The following ZDHHC14 variants were observed in gnomAD, a reference collection of about 807,000 sequenced individuals.
The protein encoded by ZDHHC14 is zDHHC palmitoyltransferase 14.
In ZDHHC14, 16 loss-of-function variants were observed where a neutral mutation model predicts 47.7. That is an observed-to-expected ratio of 0.34 (90% CI 0.23 to 0.51). The LOEUF (loss-of-function observed/expected upper bound fraction) is 0.51. Among genes scored for constraint, ZDHHC14 ranks in the 20% least tolerant of loss-of-function variants. The pLI is 0.97. For missense variants in ZDHHC14, 515 were observed against 662.5 expected (o/e 0.78, Z 2.44); for synonymous variants, 293 against 278.9 (o/e 1.05, Z -0.50).
At chr6:157,435,302 A>G (rs1306414060) in intron 1 of ZDHHC14, among the ~76,000 whole-genome samples, 1 of 152,226 alleles carries the variant, frequency 6.6e-6, no homozygotes, top group Non-Finnish European at 1.5e-5. Context: ...ATCCGAGAAG[A>G]GGGCAAGAGC....
chr6:157,633,582 A>G (rs1776819374), intron 5 of ZDHHC14, among the ~76,000 whole-genome samples: 1 of 152,294 alleles, frequency 6.6e-6, no homozygotes, highest in South Asian at 2.1e-4. Flanking sequence ...TCAGTGACCC[A>G]GTTCTCTTTC....
intron 3 of ZDHHC14, among the ~76,000 whole-genome samples, chr6:157,597,931 C>CAAAT: frequency 6.6e-6 from 1 of 152,320 alleles, no homozygotes; most frequent in African/African-American, 2.4e-5. Context: ...CAGGGCTTTC[C>CAAAT]CCTGCCTCTT....
chr6:157,521,253 C>T (rs138569732), intron 1 of ZDHHC14, among the ~76,000 whole-genome samples: 109 of 152,286 alleles, frequency 7.2e-4, no homozygotes, highest in Non-Finnish European at 9.4e-4. Flanking sequence ...ATTACAGCTC[C>T]GTTTGGAGTC....
chr6:157,447,391 A>C (rs1184302784), intron 1 of ZDHHC14, among the ~76,000 whole-genome samples: 1 of 152,156 alleles, frequency 6.6e-6, no homozygotes, highest in Non-Finnish European at 1.5e-5. Context: ...CCTTGCCCAG[A>C]AGACCCTGAG....
intron 1 of ZDHHC14, among the ~76,000 whole-genome samples, chr6:157,416,767 C>T (rs1429184660): frequency 2.0e-5 from 3 of 149,738 alleles, no homozygotes; most frequent in Non-Finnish European, 4.4e-5. Context: ...ACTAATTCAC[C>T]TCCCACTTGC....
At chr6:157,538,805 A>T (rs1781636443) in intron 1 of ZDHHC14, among the ~76,000 whole-genome samples, 1 of 152,216 alleles carries the variant, frequency 6.6e-6, no homozygotes, top group Non-Finnish European at 1.5e-5. Context: ...GAGCATCAAC[A>T]TGCTGAATGG....
intron 5 of ZDHHC14, among the ~76,000 whole-genome samples, chr6:157,638,676 GAC>G (rs1777099800): frequency 6.6e-6 from 1 of 152,242 alleles, no homozygotes; most frequent in Non-Finnish European, 1.5e-5. Context: ...ACAGCGGGGA[GAC>G]ACACAAATGC....
intron 2 of ZDHHC14, among the ~76,000 whole-genome samples, chr6:157,548,407 G>T (rs913100931): frequency 6.7e-6 from 1 of 150,310 alleles, no homozygotes; most frequent in Admixed American, 6.6e-5. Context: ...GCTGCTTTCC[G>T]CCCTGTTCTT....
chr6:157,616,616 G>A (rs1047250927), intron 3 of ZDHHC14, among the ~76,000 whole-genome samples: 3 of 152,142 alleles, frequency 2.0e-5, no homozygotes, highest in African/African-American at 4.8e-5. Flanking sequence ...AGTGTGTACC[G>A]TAGACCAGAC....
rs780486777 is a variant in ZDHHC14, at chr6:157,586,061, C to T, written c.407-6927C>T. On this transcript the variant is annotated intron_variant, in intron 2 of 8. Transcript: ENST00000359775. This position sits in a 1 kb window ranked among gnomAD's most constrained non-coding sequence, Gnocchi z 4.6. The stretch of plus-strand genomic sequence containing the variant: ...GAAAGTGGATAGGCCGTGGTCACTG[C>T]CCTGGAGCAGCAGGAAGATCTGGAA... 1.3e-5 allele frequency among the ~76,000 whole-genome samples: 2 copies of T among 152,170 alleles called. No individual in the cohort carries two copies. The highest frequency in any genetic ancestry group is 2.9e-5 in the Non-Finnish European group (2 of 68,028).
intron 2 of ZDHHC14, among the ~76,000 whole-genome samples, chr6:157,570,443 T>C (rs145388710): frequency 3.3e-5 from 5 of 152,246 alleles, no homozygotes; most frequent in Admixed American, 6.5e-5. Context: ...TAGCTTTGGC[T>C]TTCAGTGGAA....
intron 1 of ZDHHC14, among the ~76,000 whole-genome samples, chr6:157,522,615 C>A (rs28405377): frequency 0.61 from 92,349 of 151,266 alleles, 29,509 homozygotes; most frequent in African/African-American, 0.81. Flanking sequence ...AACTACAAGA[C>A]CCATTTTTAT....
At chr6:157,517,762 G>A (rs1415866839) in intron 1 of ZDHHC14, among the ~76,000 whole-genome samples, 2 of 152,332 alleles carry the variant, frequency 1.3e-5, no homozygotes, top group East Asian at 3.9e-4. Flanking sequence ...TCGCCCTCAC[G>A]GCCGCCTACC....
chr6:157,464,870 C>T (rs1482419266), intron 1 of ZDHHC14, among the ~76,000 whole-genome samples: 2 of 152,200 alleles, frequency 1.3e-5, no homozygotes, highest in African/African-American at 4.8e-5. Flanking sequence ...TCGTACGTAG[C>T]TGTGACCAGA....
chr6:157,389,076 T>C (rs1024823568), intron 1 of ZDHHC14, among the ~76,000 whole-genome samples: 66 of 152,110 alleles, frequency 4.3e-4, no homozygotes, highest in African/African-American at 1.5e-3. Context: ...CTAACATTGA[T>C]TTAATATGGA....
rs558211751 is a variant in ZDHHC14 at position 157,451,840 on chromosome 6, G to A, written c.245+69574G>A. Among the ~76,000 whole-genome samples, 6 of 152,210 alleles carry A rather than the reference G, an allele frequency of 3.9e-5. No homozygotes were observed. The South Asian group carries it at 8.3e-4, about 21-fold the overall frequency. On this transcript the variant is annotated intron_variant, in intron 1 of 8. Coordinates refer to ENST00000359775, the MANE Select transcript of ZDHHC14 (RefSeq NM_024630.3). Reference sequence around the variant, plus strand: ...CTCCCAAAGTGCTGGGATTATAGGCGTGAGCCACTGCGCTCAGCATCTTGA... The same window carrying A: ...CTCCCAAAGTGCTGGGATTATAGGCATGAGCCACTGCGCTCAGCATCTTGA...
intron 2 of ZDHHC14, among the ~76,000 whole-genome samples, chr6:157,566,713 C>T (rs190246229): frequency 2.7e-4 from 41 of 152,230 alleles, no homozygotes; most frequent in African/African-American, 9.6e-4. Flanking sequence ...AGTGAGCCTT[C>T]GAGGAGTTTG....
At chr6:157,493,799 A>G (rs1372250308) in intron 1 of ZDHHC14, among the ~76,000 whole-genome samples, 1 of 152,216 alleles carries the variant, frequency 6.6e-6, no homozygotes, top group African/African-American at 2.4e-5. Context: ...GCCGGCACAC[A>G]CAGGTGACAC....
intron 1 of ZDHHC14, among the ~76,000 whole-genome samples, chr6:157,528,601 A>G (rs1027973945): frequency 5.3e-5 from 8 of 152,190 alleles, no homozygotes; most frequent in African/African-American, 1.9e-4. Context: ...GCGTGGTGGC[A>G]GGTGCCTGTA....
Sources: gnomAD v4.1 joint callset for allele counts (sites outside exome capture counted in the v4.1 genomes callset) on GRCh38, gnomAD v4.1.1 for gene constraint, Gnocchi (gnomAD v3.1) non-coding constraint, MANE v1.5 for transcripts, NCBI Gene and HGNC (gene_info 2026-07-23, HGNC 2026-07-21) for gene names.